Variants in CHKA observed in about 807,000 individuals in gnomAD.
The protein encoded by CHKA is CHETK-alpha.
CHKA carries 34 observed loss-of-function variants against 60.1 expected under a neutral mutation model. That is an observed-to-expected ratio of 0.57 (90% CI 0.43 to 0.75). The LOEUF is 0.75. Among genes scored for constraint, CHKA ranks in the 30% least tolerant of loss-of-function variants. The probability of loss-of-function intolerance (pLI) is 0.00; values close to 1 mark genes in which losing one functional copy is unlikely to be tolerated. For missense variants in CHKA, 563 were observed against 561.3 expected (o/e 1.00, Z -0.03); for synonymous variants, 217 against 223.1 (o/e 0.97, Z 0.24).
chr11:68,098,974 C>T (rs977433084), intron 1 of CHKA, among the ~76,000 whole-genome samples: 1 of 152,148 alleles, frequency 6.6e-6, no homozygotes, highest in African/African-American at 2.4e-5. Flanking sequence ...CACACCATGC[C>T]TGACCTTATT....
chr11:68,077,891 G>A (rs757355738), intron 3 of CHKA, among the ~76,000 whole-genome samples: 2 of 152,138 alleles, frequency 1.3e-5, no homozygotes, highest in Non-Finnish European at 2.9e-5. Flanking sequence ...CAAGTGTGAC[G>A]CCTTCAAGGA....
chr11:68,082,900 G>A (rs895315226), intron 2 of CHKA, among the ~76,000 whole-genome samples: 1 of 152,120 alleles, frequency 6.6e-6, no homozygotes, highest in Non-Finnish European at 1.5e-5. Context: ...GTTAAATCCC[G>A]TTACAATGAA....
chr11:68,074,504 T>C (rs1224389559), intron 4 of CHKA, among the ~76,000 whole-genome samples: 3 of 152,200 alleles, frequency 2.0e-5, no homozygotes, highest in South Asian at 2.1e-4. Context: ...CATATATATT[T>C]CAAATTTGGA....
At chr11:68,064,983 T>C (rs774040278) in intron 9 of CHKA, among the ~76,000 whole-genome samples, 6 of 152,204 alleles carry the variant, frequency 3.9e-5, no homozygotes, top group Non-Finnish European at 8.8e-5. Context: ...GTTTCAGTGC[T>C]GGGCTGAGGA....
In CHKA at chr11:68,121,093, G is replaced by T; in HGVS notation, c.85C>A (p.Pro29Thr). Residue 29 changes from proline to threonine, a missense_variant, in exon 1 of 12, where the codon CCG becomes ACG. By Grantham distance (38) the Pro-to-Thr change is conservative (BLOSUM62 -1). Transcript: ENST00000265689. ...CGCTGCTGCCCCACGCCGGGCGCCG[G>T]GGCCGCGCTGCCGCTACCGCAGCTC... ...LLSCGSGSAA[P>T]APGVGQQRDA... 1 of 1,147,026 alleles carries T rather than the reference G, an allele frequency of 8.7e-7. No homozygotes were observed. Among genetic ancestry groups the T allele is most frequent in the Non-Finnish European group, 1.1e-6 (1 of 933,602 alleles). The allele number at this position is 1,147,026 out of a possible 1,614,324, so 71.1% of individuals were successfully genotyped here.
chr11:68,074,105 T>C (rs932313695), intron 4 of CHKA, among the ~76,000 whole-genome samples: 27 of 152,174 alleles, frequency 1.8e-4, no homozygotes, highest in Non-Finnish European at 2.9e-5. Context: ...GATATGTACA[T>C]GTAACTCTAA....
At chr11:68,114,193 C>T (rs55784130) in intron 1 of CHKA, among the ~76,000 whole-genome samples, 3,637 of 152,146 alleles carry the variant, frequency 0.024, 62 homozygotes, top group Non-Finnish European at 0.035. Context: ...ACGTAACTCT[C>T]ACCATATGAC....
At chr11:68,111,272 C>T (rs1415974153) in intron 1 of CHKA, among the ~76,000 whole-genome samples, 2 of 151,862 alleles carry the variant, frequency 1.3e-5, no homozygotes, top group Admixed American at 6.6e-5. Context: ...ATTAGCTGGG[C>T]GTGGTGGTGG....
chr11:68,092,358 A>C (rs959995280), intron 2 of CHKA, among the ~76,000 whole-genome samples: 1 of 152,142 alleles, frequency 6.6e-6, no homozygotes, highest in Non-Finnish European at 1.5e-5. Flanking sequence ...TAGACCATAA[A>C]TATCTCCTTC....
intron 2 of CHKA, among the ~76,000 whole-genome samples, chr11:68,088,922 G>A (rs1857268290): frequency 6.6e-6 from 1 of 152,088 alleles, no homozygotes; most frequent in South Asian, 2.1e-4. Context: ...TTAAAGTATA[G>A]CTTATGTGAT....
chr11:68,099,081 G>C (rs1227899701), intron 1 of CHKA, among the ~76,000 whole-genome samples: 2 of 152,068 alleles, frequency 1.3e-5, no homozygotes, highest in African/African-American at 4.8e-5. Flanking sequence ...AGTCACAAAA[G>C]ACCACATGTT....
chr11:68,106,379 G>C (rs943035504), intron 1 of CHKA, among the ~76,000 whole-genome samples: 1 of 152,038 alleles, frequency 6.6e-6, no homozygotes, highest in African/African-American at 2.4e-5. Context: ...AACAAGACTC[G>C]ATCTCTACAA....
chr11:68,106,551 C>CAAT (rs1555013781), intron 1 of CHKA, among the ~76,000 whole-genome samples: 3 of 127,730 alleles, frequency 2.3e-5, no homozygotes, highest in African/African-American at 8.7e-5. Flanking sequence ...ACCCTGCCTC[C>CAAT]AAAAAAAAAA....
chr11:68,072,482 A>C (rs1027291980), intron 4 of CHKA, among the ~76,000 whole-genome samples: 1 of 151,166 alleles, frequency 6.6e-6, no homozygotes, highest in Non-Finnish European at 1.5e-5. Flanking sequence ...GGGAGGTTGA[A>C]GCTGCAGTGA....
At chr11:68,070,687 T>C in intron 5 of CHKA, 37 bp downstream of exon 5, 1 of 1,594,632 alleles carries the variant, frequency 6.3e-7, no homozygotes, top group Non-Finnish European at 8.6e-7. Flanking sequence ...GCCACCACTG[T>C]AAAACTATGT....
intron 3 of CHKA, among the ~76,000 whole-genome samples, chr11:68,079,783 G>T (rs1856916943): frequency 6.6e-6 from 1 of 152,232 alleles, no homozygotes; most frequent in South Asian, 2.1e-4. Context: ...CATCCGAGGA[G>T]AGACTGCTAG....
intron 1 of CHKA, among the ~76,000 whole-genome samples, chr11:68,104,633 G>A (rs976748047): frequency 1.3e-5 from 2 of 151,870 alleles, no homozygotes; most frequent in African/African-American, 2.4e-5. Flanking sequence ...ATGTTGGTCA[G>A]CTGGTCTCGA....
chr11:68,055,884 A>T (rs994519049), intron 11 of CHKA, among the ~76,000 whole-genome samples: 1 of 131,380 alleles, frequency 7.6e-6, no homozygotes, highest in African/African-American at 3.0e-5. Context: ...GTCTCTACTT[A>T]AAAAAAAAAA....
intron 1 of CHKA, among the ~76,000 whole-genome samples, chr11:68,102,028 A>G (rs978122389): frequency 6.6e-6 from 1 of 150,586 alleles, no homozygotes; most frequent in South Asian, 2.1e-4. Flanking sequence ...TGAACTCAGG[A>G]GGCGGAGGTG....
Sources: allele counts gnomAD v4.1 joint callset (sites outside exome capture counted in the v4.1 genomes callset), GRCh38; gene constraint gnomAD v4.1.1; transcripts MANE v1.5; gene names NCBI Gene and HGNC (gene_info 2026-07-23, HGNC 2026-07-21).